MACROD2: variants seen among roughly 807,000 people sequenced by gnomAD.
MACROD2 encodes the protein ADP-ribose glycohydrolase MACROD2.
In MACROD2, 36 loss-of-function variants were observed where a neutral mutation model predicts 70.4. The ratio of observed to expected loss-of-function variants is 0.51; its 90% confidence interval spans 0.39 to 0.68. The LOEUF is 0.68. Among genes scored for constraint, MACROD2 ranks in the 30% least tolerant of loss-of-function variants. The pLI, the probability that MACROD2 is intolerant of heterozygous loss-of-function variation, is 0.00. For missense variants in MACROD2, 496 were observed against 538.4 expected (o/e 0.92, Z 0.78); for synonymous variants, 172 against 178.8 (o/e 0.96, Z 0.30).
At chr20:14,496,477 C>T (rs1216451253) in intron 4 of MACROD2, among the ~76,000 whole-genome samples, 1 of 152,088 alleles carries the variant, frequency 6.6e-6, no homozygotes, top group Non-Finnish European at 1.5e-5. Context: ...TAAGACTGAT[C>T]CCCTGAAAGA....
At chr20:14,555,706 C>A (rs1427584827) in intron 4 of MACROD2, among the ~76,000 whole-genome samples, 1 of 151,918 alleles carries the variant, frequency 6.6e-6, no homozygotes, top group South Asian at 2.1e-4. Context: ...TAAGGAGAGG[C>A]GTGGGAAAGG....
intron 4 of MACROD2, among the ~76,000 whole-genome samples, chr20:14,668,477 C>A (rs1436708809): frequency 2.6e-5 from 4 of 152,092 alleles, no homozygotes; most frequent in African/African-American, 9.7e-5. Context: ...ATTCAAATAA[C>A]GCAGGCCTAG....
intron 8 of MACROD2, among the ~76,000 whole-genome samples, chr20:15,723,232 A>G (rs769614971): frequency 6.6e-5 from 10 of 152,188 alleles, no homozygotes; most frequent in Non-Finnish European, 1.2e-4. Flanking sequence ...GCCCATTTGC[A>G]ACATCTTTCG....
intron 5 of MACROD2, among the ~76,000 whole-genome samples, chr20:15,060,715 G>A (rs65567): frequency 0.26 from 39,205 of 152,098 alleles, 5,721 homozygotes; most frequent in Non-Finnish European, 0.34. Context: ...GGACATCAAA[G>A]TTCTCATTTA....
chr20:14,902,930 T>A (rs2073913896), intron 5 of MACROD2, among the ~76,000 whole-genome samples: 1 of 151,750 alleles, frequency 6.6e-6, no homozygotes, highest in Non-Finnish European at 1.5e-5. Context: ...GAAGCAGTAA[T>A]ACAAGGAAAG....
At chr20:15,250,842 G>A (rs2077149531) in intron 6 of MACROD2, among the ~76,000 whole-genome samples, 1 of 152,140 alleles carries the variant, frequency 6.6e-6, no homozygotes, top group Non-Finnish European at 1.5e-5. Flanking sequence ...GTAGGGACAA[G>A]GTCTGCCCTG....
intron 5 of MACROD2, among the ~76,000 whole-genome samples, chr20:15,154,337 G>T (rs2076292062): frequency 6.6e-6 from 1 of 152,144 alleles, no homozygotes; most frequent in Non-Finnish European, 1.5e-5. Context: ...CATCTAAGAG[G>T]TAAATAGCCT....
chr20:14,186,981 T>C (rs1297789357), intron 3 of MACROD2, among the ~76,000 whole-genome samples: 3 of 152,064 alleles, frequency 2.0e-5, no homozygotes, highest in African/African-American at 2.4e-5. Flanking sequence ...GAGGCAAGCA[T>C]TGAAAAACTA....
chr20:15,933,825 G>T (rs1315978239), intron 11 of MACROD2, among the ~76,000 whole-genome samples: 4 of 152,154 alleles, frequency 2.6e-5, no homozygotes, highest in Non-Finnish European at 5.9e-5. Context: ...GGTGTGATGG[G>T]CCTGACTACC....
chr20:14,112,340 C>T (rs1333020686), intron 3 of MACROD2, among the ~76,000 whole-genome samples: 7 of 151,872 alleles, frequency 4.6e-5, no homozygotes, highest in African/African-American at 1.7e-4. Flanking sequence ...AATTTAGTGG[C>T]ACATTTTAAA....
chr20:15,201,694 C>T (rs185722516), intron 5 of MACROD2, among the ~76,000 whole-genome samples: 253 of 152,254 alleles, frequency 1.7e-3, no homozygotes, highest in South Asian at 0.016. Context: ...AATTATTTTT[C>T]CCCTTACCTA....
rs544348706 is a variant in MACROD2, at chr20:14,067,123, G to GTTTTTTTTTT, written c.164-18488_164-18479dup. On this transcript the variant is annotated intron_variant, in intron 2 of 17. Coordinates refer to ENST00000684519, the MANE Select transcript of MACROD2 (RefSeq NM_001351661.2). ...ACTGCACCTGGCCTGATTTTTTAGTGTTTTTTTTTTTTTTTTTTTGAGACA... is the reference window on the plus strand; with the variant it reads ...ACTGCACCTGGCCTGATTTTTTAGTGTTTTTTTTTTTTTTTTTTTTTTTTTTTTTGAGACA... Among the ~76,000 whole-genome samples, 8 of 85,050 alleles carry GTTTTTTTTTT rather than the reference G, an allele frequency of 9.4e-5. 1 individual carries two copies. Among genetic ancestry groups the GTTTTTTTTTT allele is most frequent in the Admixed American group, 1.5e-4 (1 of 6,832 alleles). The allele number at this position is 85,050 out of a possible 152,430, so 55.8% of individuals were successfully genotyped here. A position where few individuals can be genotyped will look rare whatever the true frequency, so the allele number is the denominator to read the frequency against.
chr20:14,087,318 C>A (rs992759981), intron 3 of MACROD2, among the ~76,000 whole-genome samples: 19 of 152,020 alleles, frequency 1.2e-4, no homozygotes, highest in African/African-American at 4.3e-4. Flanking sequence ...ATCGCTTGAA[C>A]CTGGGAGGTG....
intron 8 of MACROD2, among the ~76,000 whole-genome samples, chr20:15,703,234 T>C (rs563442655): frequency 6.6e-6 from 1 of 152,332 alleles, no homozygotes; most frequent in South Asian, 2.1e-4. Flanking sequence ...AATAAAGATC[T>C]GTTCTAATTA....
chr20:15,809,150 T>A (rs1471915311), intron 8 of MACROD2, among the ~76,000 whole-genome samples: 1 of 152,210 alleles, frequency 6.6e-6, no homozygotes, highest in Admixed American at 6.5e-5. Flanking sequence ...CTCCCACTTC[T>A]ACCTTTTAAA....
At chr20:15,925,676 C>A (rs1349306694) in intron 10 of MACROD2, among the ~76,000 whole-genome samples, 1 of 152,166 alleles carries the variant, frequency 6.6e-6, no homozygotes, top group Non-Finnish European at 1.5e-5. Flanking sequence ...CTTACCATTA[C>A]ACAACACATA....
intron 3 of MACROD2, among the ~76,000 whole-genome samples, chr20:14,150,051 G>GTC (rs1322117626): frequency 1.3e-5 from 2 of 151,698 alleles, no homozygotes; most frequent in Non-Finnish European, 2.9e-5. Flanking sequence ...CTTCTTTTAT[G>GTC]TCTCTCTCTC....
intron 8 of MACROD2, among the ~76,000 whole-genome samples, chr20:15,601,637 G>T (rs1003219734): frequency 2.6e-5 from 4 of 152,136 alleles, no homozygotes; most frequent in African/African-American, 9.7e-5. Flanking sequence ...GACTCGCCAG[G>T]TATCAATAAT....
chr20:15,869,234 T>TAGAGAGAGAGAGAGAG (rs1198181652), intron 9 of MACROD2, among the ~76,000 whole-genome samples: 47 of 31,662 alleles, frequency 1.5e-3, no homozygotes, highest in Non-Finnish European at 3.0e-3. Flanking sequence ...TATATATATA[T>TAGAGAGAGAGAGAGAG]ATATAGAGAG....
Sources: allele counts gnomAD v4.1 joint callset (sites outside exome capture counted in the v4.1 genomes callset), GRCh38; gene constraint gnomAD v4.1.1; transcripts MANE v1.5; gene names NCBI Gene and HGNC (gene_info 2026-07-23, HGNC 2026-07-21).